Variants in TBCD observed in about 807,000 individuals in gnomAD.
The protein encoded by TBCD is tubulin-specific chaperone D.
Under a neutral mutation model 169.3 loss-of-function variants are expected in TBCD, and 105 were observed. The observed-to-expected ratio is 0.62, with a 90% CI of 0.53 to 0.73. TBCD has a LOEUF of 0.73. TBCD is among the 30% of genes least tolerant of loss of function. The probability of loss-of-function intolerance (pLI) is 0.00; values close to 1 mark genes in which losing one functional copy is unlikely to be tolerated. For missense variants in TBCD, 1,444 were observed against 1,600.1 expected (o/e 0.90, Z 1.66); for synonymous variants, 700 against 643.9 (o/e 1.09, Z -1.32).
rs142957734 is a variant in TBCD at position 82,937,666 on chromosome 17, G to A, written c.3281+306G>A. On this transcript the variant is annotated intron_variant, in intron 35 of 38. Coordinates refer to ENST00000355528, the MANE Select transcript of TBCD (RefSeq NM_005993.5). ...CAGGGGCTGCCTCCCCGATTCTCCT[G>A]TGTGCCCTGGGGGTCGCTGTTGAGT... The A allele has an allele frequency of 5.4e-5, 33 of 609,166 alleles. No individual in the cohort carries two copies. The East Asian group carries it at 8.8e-4, about 16-fold the overall frequency. The allele number at this position is 609,166 out of a possible 1,614,324, so 37.7% of individuals were successfully genotyped here.
chr17:82,847,552 G>A (rs190995547), intron 13 of TBCD, among the ~76,000 whole-genome samples: 166 of 152,238 alleles, frequency 1.1e-3, no homozygotes, highest in African/African-American at 3.9e-3. Flanking sequence ...GATGAGTAGT[G>A]GAGGGCTTTA....
chr17:82,884,107 A>G lies in TBCD; in HGVS notation c.1476-38A>G. ...TACTGTGTGGTCTGTACTGTTTTGC[A>G]GAATTTCTTTTTAATTAATCCTTTC... is the stretch of plus-strand genomic sequence containing the variant. On this transcript the variant is annotated intron_variant, in intron 14 of 38. Coordinates refer to ENST00000355528, the MANE Select transcript of TBCD (RefSeq NM_005993.5). This position sits in a 1 kb window ranked among gnomAD's most constrained non-coding sequence, Gnocchi z 4.2. 1 of 1,570,246 alleles carries G rather than the reference A, an allele frequency of 6.4e-7. No homozygotes were observed. Among genetic ancestry groups the G allele is most frequent in the East Asian group, 2.3e-5 (1 of 43,414 alleles).
intron 12 of TBCD, among the ~76,000 whole-genome samples, chr17:82,811,197 G>A (rs942157597): frequency 2.5e-4 from 38 of 152,240 alleles, no homozygotes; most frequent in African/African-American, 7.9e-4. Context: ...TGCCACCTGC[G>A]GCCTTCACAA....
At chr17:82,773,595 G>A (rs530931542) in intron 6 of TBCD, among the ~76,000 whole-genome samples, 2 of 152,208 alleles carry the variant, frequency 1.3e-5, no homozygotes, top group East Asian at 1.9e-4. Flanking sequence ...CCCGCGGGGC[G>A]GCACCAACTC....
At chr17:82,822,941 T>C (rs1297633266) in intron 13 of TBCD, among the ~76,000 whole-genome samples, 1 of 151,852 alleles carries the variant, frequency 6.6e-6, no homozygotes, top group Non-Finnish European at 1.5e-5. Context: ...CTCACTGGCA[T>C]GGGGAGGTGG....
At chr17:82,756,271 T>A in intron 2 of TBCD, 56 bp downstream of exon 2, 1 of 1,512,962 alleles carries the variant, frequency 6.6e-7, no homozygotes, top group Non-Finnish European at 9.1e-7. Context: ...CACGGAGGCC[T>A]TGGTGTGTGG....
intron 13 of TBCD, among the ~76,000 whole-genome samples, chr17:82,851,076 T>C (rs758369204): frequency 6.6e-6 from 1 of 152,142 alleles, no homozygotes; most frequent in Non-Finnish European, 1.5e-5. Flanking sequence ...TTCACAGATA[T>C]TACACAGCCA....
At chr17:82,908,238 G>A (rs188099662) in intron 21 of TBCD, 7 of 450,086 alleles carry the variant, frequency 1.6e-5, no homozygotes, top group East Asian at 6.9e-5. Context: ...ATTGGGCCCC[G>A]TGCTCTCCTG....
At position 82,932,425 on chromosome 17, in the gene TBCD, G is replaced by A. The variant is rs143733364; in HGVS notation, c.3114-233G>A. Among the ~76,000 whole-genome samples the A allele has an allele frequency of 2.9e-3, 436 of 152,348 alleles. 1 individual carries two copies. The highest frequency in any genetic ancestry group is 0.014 in the Middle Eastern group (4 of 294). ...GTTTGCTTCACTTTGCACCAGGGCC[G>A]TGCTGTTTCTATCCCTTCCACTTTA... is the stretch of plus-strand genomic sequence containing the variant. On this transcript the variant is annotated intron_variant, in intron 33 of 38. Transcript: ENST00000355528.
intron 13 of TBCD, among the ~76,000 whole-genome samples, chr17:82,863,731 G>A (rs924834198): frequency 6.6e-6 from 1 of 152,198 alleles, no homozygotes; most frequent in Non-Finnish European, 1.5e-5. Flanking sequence ...TCGGGAAGCA[G>A]CAGTTGGCTC....
At position 82,911,776 on chromosome 17, in the gene TBCD, C is replaced by T. The variant is rs1310598440; in HGVS notation, c.2025C>T (p.Leu675=). ...TTTTCAGGGGTCTGGGAGGACAGCTCATGAGACAAGCAGGTAAGTCTGAAG... is the reference window on the plus strand; with the variant it reads ...TTTTCAGGGGTCTGGGAGGACAGCTTATGAGACAAGCAGGTAAGTCTGAAG... The part of the protein sequence containing the change: ...RQLYRGLGGQ[L]MRQAVCVLIE... Residue 675 remains leucine, a synonymous_variant, in exon 23 of 39, where the codon CTC becomes CTT. Transcript: ENST00000355528. 2 of 1,613,916 alleles carry T rather than the reference C, an allele frequency of 1.2e-6. No homozygotes were observed. The highest frequency in any genetic ancestry group is 1.7e-6 in the Non-Finnish European group (2 of 1,179,874).
At chr17:82,858,738 G>C (rs1035820844) in intron 13 of TBCD, 1 of 848,414 alleles carries the variant, frequency 1.2e-6, no homozygotes, top group Non-Finnish European at 1.4e-6. Context: ...AAAATCGACT[G>C]AGTGTGTGAA....
intron 29 of TBCD, among the ~76,000 whole-genome samples, chr17:82,927,573 G>C (rs77671788): frequency 0.064 from 9,668 of 152,214 alleles, 466 homozygotes; most frequent in Non-Finnish European, 0.098. Flanking sequence ...AGGGTGTGAG[G>C]GAGGACGCGT....
chr17:82,826,553 C>T (rs2052867967), intron 13 of TBCD, among the ~76,000 whole-genome samples: 1 of 151,904 alleles, frequency 6.6e-6, no homozygotes, highest in Admixed American at 6.6e-5. Flanking sequence ...GTTGGTGGGA[C>T]TACAGGCAAA....
At chr17:82,758,661 CTTTTTTTTTT>C (rs745351441) in intron 2 of TBCD, among the ~76,000 whole-genome samples, 1 of 94,594 alleles carries the variant, frequency 1.1e-5, no homozygotes, top group Non-Finnish European at 2.1e-5. Context: ...TTTTTTTTTT[CTTTTTTTTTT>C]TTTTTTTTGA....
chr17:82,877,586 CA>C (rs1431890399), intron 14 of TBCD, among the ~76,000 whole-genome samples: 1 of 152,158 alleles, frequency 6.6e-6, no homozygotes, highest in East Asian at 1.9e-4. Context: ...GTGATCCACC[CA>C]CCTTGGCCTC....
In TBCD at chr17:82,930,387, T is replaced by TCCCA; in HGVS notation, c.2992-135_2992-134insCCCA. The TCCCA allele has an allele frequency of 7.4e-7, 1 of 1,348,320 alleles. No individual in the cohort carries two copies. Among genetic ancestry groups the TCCCA allele is most frequent in the East Asian group, 2.5e-5 (1 of 39,550 alleles). The allele number at this position is 1,348,320 out of a possible 1,614,324, so 83.5% of individuals were successfully genotyped here. A position where few individuals can be genotyped will look rare whatever the true frequency, so the allele number is the denominator to read the frequency against. On this transcript the variant is annotated intron_variant, in intron 32 of 38. Transcript: ENST00000355528. This position sits in a 1 kb window ranked among gnomAD's most constrained non-coding sequence, Gnocchi z 5.2. ...CCGTGCTGGCGTCCGCACCAGCCGC[T>TCCCA]TGGGGCCAGACCTTCGCGTCTCTGC...
chr17:82,906,869 C>T (rs1362732836), intron 20 of TBCD, among the ~76,000 whole-genome samples: 1 of 152,220 alleles, frequency 6.6e-6, no homozygotes, highest in East Asian at 1.9e-4. Context: ...CAAGACCTGG[C>T]CTTTATGGCG....
Position 82,870,197 on chromosome 17 carries a change from A to T in TBCD, c.1319-27A>T, listed in dbSNP as rs754829371. 9.9e-6 allele frequency: 16 copies of T among 1,611,554 alleles called. No homozygotes were observed. In the African/African-American group the frequency reaches 2.0e-4, roughly 20 times the overall value. On this transcript the variant is annotated intron_variant, in intron 13 of 38. Transcript: ENST00000355528. ...GTGTTGCCCGTGTGGTCTGCTCCTC[A>T]CCGTCTTTTCTCTTGTCCTTGCCCA...
Sources: gnomAD v4.1 joint callset for allele counts (sites outside exome capture counted in the v4.1 genomes callset) on GRCh38, gnomAD v4.1.1 for gene constraint, Gnocchi (gnomAD v3.1) non-coding constraint, MANE v1.5 for transcripts, NCBI Gene and HGNC (gene_info 2026-07-23, HGNC 2026-07-21) for gene names.